Variants in B3GALT1 observed in about 807,000 individuals in gnomAD.
B3GALT1 encodes the protein beta-1,3-galactosyltransferase 1.
In B3GALT1, 10 loss-of-function variants were observed where a neutral mutation model predicts 23.2. The observed-to-expected ratio is 0.43, with a 90% CI of 0.27 to 0.73. B3GALT1 has a LOEUF of 0.73. Ranked by LOEUF, B3GALT1 falls within the 30% of genes least tolerant of loss-of-function variation. B3GALT1 has a pLI of 0.21. For synonymous variants in B3GALT1, 156 were observed against 141.5 expected, an observed-to-expected ratio of 1.10 and a Z score of -0.73; for missense variants, 299 against 405.4, an observed-to-expected ratio of 0.74 and a Z score of 2.25.
intron 1 of B3GALT1, among the ~76,000 whole-genome samples, chr2:167,481,375 A>G (rs1301642194): frequency 6.7e-6 from 1 of 149,172 alleles, no homozygotes; most frequent in East Asian, 1.9e-4. Context: ...GCTTATCTCC[A>G]TAAGCTAAAA....
chr2:167,615,156 G>A (rs1287747539), intron 2 of B3GALT1, among the ~76,000 whole-genome samples: 1 of 152,016 alleles, frequency 6.6e-6, no homozygotes, highest in Non-Finnish European at 1.5e-5. Context: ...ATGAATAGAT[G>A]AAGAAATTGT....
chr2:167,374,027 C>G (rs1320656995), intron 1 of B3GALT1, among the ~76,000 whole-genome samples: 1 of 152,168 alleles, frequency 6.6e-6, no homozygotes, highest in Non-Finnish European at 1.5e-5. Context: ...TTCTCCCCCT[C>G]TAGTAGTCCC....
intron 3 of B3GALT1, among the ~76,000 whole-genome samples, chr2:167,650,422 A>C (rs1297413610): frequency 6.6e-6 from 1 of 151,304 alleles, no homozygotes; most frequent in Non-Finnish European, 1.5e-5. Context: ...CGCTGGATTC[A>C]TTTTGCAAGT....
At chr2:167,586,520 C>T (rs13391160) in intron 2 of B3GALT1, among the ~76,000 whole-genome samples, 158 of 152,194 alleles carry the variant, frequency 1.0e-3, no homozygotes, top group African/African-American at 3.2e-3. Flanking sequence ...AGGATGGTCT[C>T]GATCTCCTGA....
intron 2 of B3GALT1, among the ~76,000 whole-genome samples, chr2:167,610,067 G>T (rs545272104): frequency 3.3e-5 from 5 of 152,172 alleles, no homozygotes; most frequent in African/African-American, 1.2e-4. Flanking sequence ...TTTTTGAGAG[G>T]AAAATGAGGA....
intron 4 of B3GALT1, among the ~76,000 whole-genome samples, chr2:167,834,026 C>T (rs1208843516): frequency 6.6e-6 from 1 of 152,118 alleles, no homozygotes; most frequent in African/African-American, 2.4e-5. Flanking sequence ...AGGAGTAGAA[C>T]TCTATTGCAG....
At chr2:167,563,855 C>T (rs1388940492) in intron 2 of B3GALT1, among the ~76,000 whole-genome samples, 17 of 142,044 alleles carry the variant, frequency 1.2e-4, no homozygotes, top group East Asian at 8.7e-4. Flanking sequence ...CAGGGGCGGC[C>T]GGGCAGAGGC....
intron 1 of B3GALT1, among the ~76,000 whole-genome samples, chr2:167,451,418 A>G (rs1033509260): frequency 1.3e-5 from 2 of 151,800 alleles, no homozygotes; most frequent in Admixed American, 6.6e-5. Context: ...CCCTTTTCCT[A>G]TGGATGTGGC....
chr2:167,637,575 C>T (rs1425290070), intron 2 of B3GALT1, among the ~76,000 whole-genome samples: 1 of 151,952 alleles, frequency 6.6e-6, no homozygotes, highest in Non-Finnish European at 1.5e-5. Context: ...AGTCACTCTA[C>T]TCTGCTATTG....
intron 1 of B3GALT1, among the ~76,000 whole-genome samples, chr2:167,462,793 A>G (rs144277985): frequency 3.3e-5 from 5 of 152,274 alleles, no homozygotes; most frequent in East Asian, 3.9e-4. Flanking sequence ...AGCTCATTAT[A>G]ACACATTATA....
intron 2 of B3GALT1, among the ~76,000 whole-genome samples, chr2:167,555,148 T>C (rs1234712138): frequency 5.3e-5 from 8 of 152,182 alleles, no homozygotes; most frequent in Non-Finnish European, 1.0e-4. Flanking sequence ...AGTCACAGTT[T>C]CTATCCAATC....
chr2:167,344,011 A>T (rs912959775), intron 1 of B3GALT1, among the ~76,000 whole-genome samples: 7 of 152,198 alleles, frequency 4.6e-5, no homozygotes, highest in African/African-American at 1.4e-4. Flanking sequence ...AGAAGGGAGT[A>T]TTGGGTGGCT....
At chr2:167,760,085 A>T (rs189907121) in intron 3 of B3GALT1, among the ~76,000 whole-genome samples, 1 of 152,298 alleles carries the variant, frequency 6.6e-6, no homozygotes, top group East Asian at 1.9e-4. Context: ...AACAGTCAAG[A>T]AGGTCATTAG....
At chr2:167,853,078 C>T (rs1689935101) in intron 4 of B3GALT1, among the ~76,000 whole-genome samples, 1 of 152,048 alleles carries the variant, frequency 6.6e-6, no homozygotes, top group African/African-American at 2.4e-5. Context: ...AAGGAAACAA[C>T]CAACCTAAAA....
chr2:167,572,243 C>G (rs1684306824), intron 2 of B3GALT1, among the ~76,000 whole-genome samples: 1 of 151,658 alleles, frequency 6.6e-6, no homozygotes. Context: ...CTAGTAAATT[C>G]CTTCACTTTA....
At position 167,484,353 on chromosome 2, in the gene B3GALT1, G is replaced by A. The variant is rs749961001; in HGVS notation, c.-510-5824G>A. The stretch of plus-strand genomic sequence containing the variant: ...AAAAGGTTTATTTTGAGCCAAATAC[G>A]AGTGGCTAAGGCCCAAGACAGTCTC... On this transcript the variant is annotated intron_variant, in intron 1 of 4. Transcript: ENST00000392690. Among the ~76,000 whole-genome samples, 193 of 152,224 alleles carry A rather than the reference G, an allele frequency of 1.3e-3. 2 individuals are homozygous for A. Among genetic ancestry groups the A allele is most frequent in the African/African-American group, 4.4e-3 (183 of 41,534 alleles).
chr2:167,308,039 G>A (rs1366482420), intron 1 of B3GALT1, among the ~76,000 whole-genome samples: 1 of 152,002 alleles, frequency 6.6e-6, no homozygotes, highest in Non-Finnish European at 1.5e-5. Context: ...TTTGTGGAGA[G>A]TAATATTAGT....
intron 3 of B3GALT1, among the ~76,000 whole-genome samples, chr2:167,668,165 C>G (rs183322338): frequency 1.0e-3 from 152 of 152,094 alleles, no homozygotes; most frequent in Middle Eastern, 6.8e-3. Context: ...TTCCTTCTAA[C>G]AGACAGCAGG....
chr2:167,301,063 A>T (rs189952477), intron 1 of B3GALT1, among the ~76,000 whole-genome samples: 1 of 152,348 alleles, frequency 6.6e-6, no homozygotes, highest in East Asian at 1.9e-4. Context: ...ATTGAATATA[A>T]GTTGGGCACA....
Sources: gnomAD v4.1 joint callset for allele counts (sites outside exome capture counted in the v4.1 genomes callset) on GRCh38, gnomAD v4.1.1 for gene constraint, MANE v1.5 for transcripts, NCBI Gene and HGNC (gene_info 2026-07-23, HGNC 2026-07-21) for gene names.